Variants in SH3GLB1 observed in about 807,000 individuals in gnomAD.
The protein encoded by SH3GLB1 is endophilin-B1.
Under a neutral mutation model 42.0 loss-of-function variants are expected in SH3GLB1, and 17 were observed. The ratio of observed to expected loss-of-function variants is 0.40; its 90% confidence interval spans 0.28 to 0.61. SH3GLB1 has a LOEUF of 0.61. Ranked by LOEUF, SH3GLB1 falls within the 20% of genes least tolerant of loss-of-function variation. The probability of loss-of-function intolerance (pLI) is 0.36; values close to 1 mark genes in which losing one functional copy is unlikely to be tolerated. For synonymous variants in SH3GLB1, 132 were observed against 146.6 expected (o/e 0.90, Z 0.72); for missense variants, 355 against 426.3 (o/e 0.83, Z 1.47).
intron 1 of SH3GLB1, among the ~76,000 whole-genome samples, chr1:86,709,170 C>T (rs1419112693): frequency 6.6e-6 from 1 of 152,170 alleles, no homozygotes; most frequent in Non-Finnish European, 1.5e-5. Context: ...TCTCTTGGAA[C>T]TCTAAAGTTC....
chr1:86,732,878 T>C (rs1655586004), intron 5 of SH3GLB1, among the ~76,000 whole-genome samples: 1 of 152,170 alleles, frequency 6.6e-6, no homozygotes, highest in Non-Finnish European at 1.5e-5. Flanking sequence ...CCATTTCTAC[T>C]AAAGGCCATT....
At chr1:86,708,617 G>T (rs1010345329) in intron 1 of SH3GLB1, among the ~76,000 whole-genome samples, 3 of 152,146 alleles carry the variant, frequency 2.0e-5, no homozygotes, top group African/African-American at 7.2e-5. Context: ...GTATAAATGA[G>T]TAGGAATGTT....
chr1:86,737,739 T>C (rs1655846223), intron 7 of SH3GLB1, among the ~76,000 whole-genome samples: 1 of 152,186 alleles, frequency 6.6e-6, no homozygotes, highest in African/African-American at 2.4e-5. Flanking sequence ...TGTATATAAA[T>C]TATATAGTAT....
At position 86,743,230 on chromosome 1, in the gene SH3GLB1, A is replaced by G. The variant is rs1656147418; in HGVS notation, c.1093A>G (p.Asn365Asp). 2 of 1,595,166 alleles carry G rather than the reference A, an allele frequency of 1.3e-6. No individual in the cohort carries two copies. The highest frequency in any genetic ancestry group is 1.1e-5 in the South Asian group (1 of 87,538). ...KVPITYLELL[N>D] is the part of the protein sequence containing the mutation. Reference sequence around the variant, plus strand: ...GCCAATTACCTACTTAGAACTGCTCAATTAAGTAGGTGGACTATGGAAAGG... The same window carrying G: ...GCCAATTACCTACTTAGAACTGCTCGATTAAGTAGGTGGACTATGGAAAGG... Residue 365 changes from asparagine to aspartate, a missense_variant, in exon 9 of 9, where the codon AAT (asparagine) becomes GAT (aspartate). Asn to Asp is a conservative substitution (Grantham distance 23, BLOSUM62 1). Coordinates refer to ENST00000370558, the MANE Select transcript of SH3GLB1 (RefSeq NM_016009.5).
chr1:86,734,637 T>A lies in SH3GLB1; in HGVS notation c.606T>A (p.Phe202Leu). 1 of 1,613,382 alleles carries A rather than the reference T, an allele frequency of 6.2e-7. No individual in the cohort carries two copies. Among genetic ancestry groups the A allele is most frequent in the Non-Finnish European group, 8.5e-7 (1 of 1,179,494 alleles). The change falls in exon 6 of 9, where the codon TTT becomes TTA. Residue 202 changes from phenylalanine (F) to leucine (L), a missense_variant. Physicochemically the swap from Phe to Leu is conservative, Grantham distance 22 (BLOSUM62 0). Coordinates refer to ENST00000370558, the MANE Select transcript of SH3GLB1 (RefSeq NM_016009.5). Reference protein sequence around the residue: ...EQELRITQSEFDRQAEITRLL... With the variant: ...EQELRITQSELDRQAEITRLL... ...AATTAAGAATAACTCAAAGTGAATTTGATCGTCAAGCAGAGATTACCAGAC... is the reference window on the plus strand; with the variant it reads ...AATTAAGAATAACTCAAAGTGAATTAGATCGTCAAGCAGAGATTACCAGAC...
chr1:86,737,993 T>A (rs1655861063), intron 7 of SH3GLB1, among the ~76,000 whole-genome samples: 1 of 152,144 alleles, frequency 6.6e-6, no homozygotes. Flanking sequence ...TCGACTTTGG[T>A]CTTTACTCAG....
chr1:86,705,462 C>T (rs1653804040), intron 1 of SH3GLB1, among the ~76,000 whole-genome samples: 1 of 152,196 alleles, frequency 6.6e-6, no homozygotes, highest in Non-Finnish European at 1.5e-5. Context: ...TTCCCTCCGG[C>T]CCTCTTTCTC....
rs1436087912 is a variant in SH3GLB1 at position 86,744,429 on chromosome 1, C to G, written c.*1194C>G. On this transcript the variant is annotated 3_prime_UTR_variant, in exon 9 of 9. Coordinates refer to ENST00000370558, the MANE Select transcript of SH3GLB1 (RefSeq NM_016009.5). ...AGAGCTTAAAGACCATTAAAGGATA[C>G]AGAAAATTAAGCAATTATCCTATAG... is the stretch of plus-strand genomic sequence containing the variant. 6.6e-6 allele frequency: 1 copy of G among 152,124 alleles called. No individual in the cohort carries two copies. The highest frequency in any genetic ancestry group is 2.4e-5 in the African/African-American group (1 of 41,416). The allele number at this position is 152,124 out of a possible 1,614,324, so 9.4% of individuals were successfully genotyped here.
At chr1:86,717,210 G>A (rs1484210201) in intron 2 of SH3GLB1, among the ~76,000 whole-genome samples, 2 of 151,984 alleles carry the variant, frequency 1.3e-5, no homozygotes, top group Non-Finnish European at 2.9e-5. Context: ...ATTCATTTAA[G>A]GCCATTTAAA....
chr1:86,708,577 G>C (rs113497168), intron 1 of SH3GLB1, among the ~76,000 whole-genome samples: 1 of 152,004 alleles, frequency 6.6e-6, no homozygotes, highest in Non-Finnish European at 1.5e-5. Context: ...TATAAGCCTT[G>C]GTACTTTAAA....
chr1:86,744,466 G>T lies in SH3GLB1; in HGVS notation c.*1231G>T, dbSNP rs114006993. 352 of 152,290 alleles carry T rather than the reference G, an allele frequency of 2.3e-3. 3 individuals carry two copies. Among genetic ancestry groups the T allele is most frequent in the African/African-American group, 8.1e-3 (335 of 41,544 alleles). 9.4% of individuals were successfully genotyped at this position (152,290 alleles called of 1,614,324 possible). A position where few individuals can be genotyped will look rare whatever the true frequency, so the allele number is the denominator to read the frequency against. ...CAATTATCCTATAGTAGGATTCGTG[G>T]TGTGATGGGGAAAATACAAGGTACT... On this transcript the variant is annotated 3_prime_UTR_variant, in exon 9 of 9. Coordinates refer to ENST00000370558, the MANE Select transcript of SH3GLB1 (RefSeq NM_016009.5).
chr1:86,719,187 A>G (rs1383125276), intron 2 of SH3GLB1, among the ~76,000 whole-genome samples: 4 of 152,258 alleles, frequency 2.6e-5, no homozygotes, highest in African/African-American at 9.6e-5. Context: ...TGCTACAAAC[A>G]GGGCAAAGAC....
At chr1:86,735,280 C>A in intron 7 of SH3GLB1, 101 bp downstream of exon 7, 1 of 688,774 alleles carries the variant, frequency 1.5e-6, no homozygotes, top group African/African-American at 1.8e-5. Flanking sequence ...TTCTTACTAG[C>A]TTTCTTAGAA....
intron 1 of SH3GLB1, among the ~76,000 whole-genome samples, chr1:86,706,411 T>G (rs1228315105): frequency 6.6e-6 from 1 of 152,224 alleles, no homozygotes; most frequent in African/African-American, 2.4e-5. Flanking sequence ...AGTTCTAAAA[T>G]CTGCATGGTG....
At chr1:86,728,504 T>G (rs771014313) in intron 5 of SH3GLB1, 2 of 1,502,226 alleles carry the variant, frequency 1.3e-6, no homozygotes, top group South Asian at 2.5e-5. Context: ...GTTGGCCTAC[T>G]GTGTTTTCTA....
Position 86,742,357 on chromosome 1 carries a change from G to A in SH3GLB1, c.911G>A (p.Cys304Tyr). 1 of 1,614,152 alleles carries A rather than the reference G, an allele frequency of 6.2e-7. No individual in the cohort carries two copies. The highest frequency in any genetic ancestry group is 8.5e-7 in the Non-Finnish European group (1 of 1,180,016). ...SPSNLSDLKECSGSRKARVLY... is the reference protein window; with the variant it reads ...SPSNLSDLKEYSGSRKARVLY... Reference sequence around the variant, plus strand: ...TCCAACCTCAGTGACCTTAAGGAGTGTAGTGGCAGCAGAAAGGCCAGGGTT... The same window carrying A: ...TCCAACCTCAGTGACCTTAAGGAGTATAGTGGCAGCAGAAAGGCCAGGGTT... The change falls in exon 8 of 9, where the codon TGT (cysteine) becomes TAT (tyrosine). Residue 304 changes from cysteine (C) to tyrosine (Y), a missense_variant. Cys to Tyr is a radical substitution (Grantham distance 194). Transcript: ENST00000370558.
At chr1:86,713,772 C>T (rs961494680) in intron 1 of SH3GLB1, among the ~76,000 whole-genome samples, 1 of 152,154 alleles carries the variant, frequency 6.6e-6, no homozygotes, top group Non-Finnish European at 1.5e-5. Flanking sequence ...TTTCTCTGTA[C>T]TTGGATTTGT....
Position 86,743,163 on chromosome 1 carries a change from A to G in SH3GLB1, c.1026A>G (p.Ser342=). Residue 342 remains serine (S), a synonymous_variant, in exon 9 of 9, where the codon TCA becomes TCG. Coordinates refer to ENST00000370558, the MANE Select transcript of SH3GLB1 (RefSeq NM_016009.5). Reference sequence around the variant, plus strand: ...TGTTCAGTGTTGTTGGAATGGATTCAGACTGGCTAATGGGGGAAAGGGGAA... The same window carrying G: ...TGTTCAGTGTTGTTGGAATGGATTCGGACTGGCTAATGGGGGAAAGGGGAA... ...ITVFSVVGMD[S]DWLMGERGNQ... 1 of 1,613,796 alleles carries G rather than the reference A, an allele frequency of 6.2e-7. No homozygotes were observed. Among genetic ancestry groups the G allele is most frequent in the Non-Finnish European group, 8.5e-7 (1 of 1,179,902 alleles).
At position 86,734,599 on chromosome 1, in the gene SH3GLB1, A is replaced by C; in HGVS notation, c.571-3A>C. ...AGATTCTAAAACTATATTCTTACTT[A>C]AGTCTGAACAGGAATTAAGAATAAC... On this transcript the variant is annotated splice_polypyrimidine_tract_variant and splice_region_variant and intron_variant, in intron 5 of 8. Coordinates refer to ENST00000370558, the MANE Select transcript of SH3GLB1 (RefSeq NM_016009.5). 4 of 1,600,664 alleles carry C rather than the reference A, an allele frequency of 2.5e-6. No homozygotes were observed. Among genetic ancestry groups the C allele is most frequent in the Non-Finnish European group, 3.4e-6 (4 of 1,168,246 alleles).
Sources: gnomAD v4.1 joint callset for allele counts (sites outside exome capture counted in the v4.1 genomes callset) on GRCh38, gnomAD v4.1.1 for gene constraint, MANE v1.5 for transcripts, NCBI Gene and HGNC (gene_info 2026-07-23, HGNC 2026-07-21) for gene names.